NTMT1: variants seen among roughly 807,000 people sequenced by gnomAD.
NTMT1 encodes the protein N-terminal Xaa-Pro-Lys N-methyltransferase 1, also known as N-terminal RCC1 methyltransferase.
In NTMT1, 8 loss-of-function variants were observed where a neutral mutation model predicts 17.5. That is an observed-to-expected ratio of 0.46 (90% confidence interval 0.27 to 0.82). The LOEUF is 0.82. NTMT1 is among the 40% of genes least tolerant of loss of function. The probability of loss-of-function intolerance (pLI) is 0.15; values close to 1 mark genes in which losing one functional copy is unlikely to be tolerated. For synonymous variants in NTMT1, 128 were observed against 126.8 expected, an observed-to-expected ratio of 1.01 and a Z score of -0.06; for missense variants, 221 against 303.5, an observed-to-expected ratio of 0.73 and a Z score of 2.02.
At chr9:129,610,022 G>A (rs1830074287) in intron 1 of NTMT1, among the ~76,000 whole-genome samples, 1 of 150,428 alleles carries the variant, frequency 6.6e-6, no homozygotes, top group South Asian at 2.2e-4. Flanking sequence ...TGGTGTGCCT[G>A]TGTGTGTCTC....
intron 1 of NTMT1, among the ~76,000 whole-genome samples, chr9:129,621,055 CCT>C (rs766997052): frequency 5.9e-5 from 9 of 152,268 alleles, no homozygotes; most frequent in South Asian, 2.1e-4. Context: ...GCAGCACCTG[CCT>C]CTCTGCAGCC....
chr9:129,613,382 G>C lies in NTMT1; in HGVS notation c.-55+4204G>C. On this transcript the variant is annotated intron_variant, in intron 1 of 3. Transcript: ENST00000372486. This position sits in a 1 kb window ranked among gnomAD's most constrained non-coding sequence, Gnocchi z 6.2. The stretch of plus-strand genomic sequence containing the variant: ...GTGGGGAGGTCTGTAGGCAAGGGGG[G>C]TGGAGGGCCCTGGCAATGTCCACGA... The C allele has an allele frequency of 1.9e-6, 3 of 1,598,458 alleles. No individual in the cohort carries two copies. Among genetic ancestry groups the C allele is most frequent in the Admixed American group, 3.4e-5 (2 of 59,138 alleles).
Position 129,620,778 on chromosome 9 carries a change from G to T in NTMT1, c.-55+11600G>T, listed in dbSNP as rs540227595. 52 of 432,398 alleles carry T rather than the reference G, an allele frequency of 1.2e-4. No homozygotes were observed. The highest frequency in any genetic ancestry group is 9.8e-4 in the African/African-American group (48 of 49,154). The allele number at this position is 432,398 out of a possible 1,614,324, so 26.8% of individuals were successfully genotyped here. On this transcript the variant is annotated intron_variant, in intron 1 of 3. Transcript: ENST00000372486. This position sits in a 1 kb window ranked among gnomAD's most constrained non-coding sequence, Gnocchi z 5.8. ...CCTCTGTTTCCTCACCTGAAAAATG[G>T]TGACAGCAAGAGTAGCCAACTTTGG...
At chr9:129,632,029 C>T (rs370825726) in intron 1 of NTMT1, among the ~76,000 whole-genome samples, 10 of 152,172 alleles carry the variant, frequency 6.6e-5, no homozygotes, top group Admixed American at 3.9e-4. Context: ...GGAAGGGAGG[C>T]GTGGAAGCTT....
At chr9:129,610,403 C>A (rs1830087546) in intron 1 of NTMT1, among the ~76,000 whole-genome samples, 1 of 151,804 alleles carries the variant, frequency 6.6e-6, no homozygotes, top group African/African-American at 2.4e-5. Flanking sequence ...CGGACTCCGG[C>A]TTCAGTGCTC....
At chr9:129,609,241 C>A (rs1830061979) in intron 1 of NTMT1, 3 of 152,316 alleles carry the variant, frequency 2.0e-5, no homozygotes, top group Admixed American at 6.5e-5. Context: ...AAGGAGCCAG[C>A]TTGCAGGGGT....
At chr9:129,633,020 G>T in intron 2 of NTMT1, 155 bp downstream of exon 2, 1 of 761,948 alleles carries the variant, frequency 1.3e-6, no homozygotes. Context: ...GGCTGGGTGG[G>T]CACAGTGGGG....
Position 129,620,872 on chromosome 9 carries a change from G to C in NTMT1, c.-55+11694G>C. ...GAACAGCAAGCTCGGTACAGTGCCA[G>C]GCACGCTGGCCAAGCTTACACATAG... On this transcript the variant is annotated intron_variant, in intron 1 of 3. Coordinates refer to the NTMT1 transcript ENST00000372486. This position sits in a 1 kb window ranked among gnomAD's most constrained non-coding sequence, Gnocchi z 5.8. 3.1e-6 allele frequency: 1 copy of C among 326,404 alleles called. No homozygotes were observed. Among genetic ancestry groups the C allele is most frequent in the Non-Finnish European group, 5.5e-6 (1 of 180,624 alleles). The allele number at this position is 326,404 out of a possible 1,614,324, so 20.2% of individuals were successfully genotyped here. A position where few individuals can be genotyped will look rare whatever the true frequency, so the allele number is the denominator to read the frequency against.
upstream of NTMT1, among the ~76,000 whole-genome samples, chr9:129,625,921 A>G (rs1830867498): frequency 6.6e-6 from 1 of 150,992 alleles, no homozygotes; most frequent in Non-Finnish European, 1.5e-5. Flanking sequence ...CTGACGCAGG[A>G]GAATCGCTGG....
At chr9:129,619,096 G>T (rs2118884915) in intron 1 of NTMT1, among the ~76,000 whole-genome samples, 1 of 152,252 alleles carries the variant, frequency 6.6e-6, no homozygotes, top group South Asian at 2.1e-4. Context: ...TGATTCATGG[G>T]TGGGTGGGTG....
upstream of NTMT1, among the ~76,000 whole-genome samples, chr9:129,622,129 T>C (rs6478907): frequency 0.97 from 148,229 of 152,280 alleles, 72,165 homozygotes; most frequent in Middle Eastern, 0.99. Flanking sequence ...CTGGGAGGCT[T>C]AGGCTGGGTG....
In NTMT1 at chr9:129,613,103, C is replaced by A; in HGVS notation, c.-55+3925C>A. 6.2e-7 allele frequency: 1 copy of A among 1,613,774 alleles called. No homozygotes were observed. On this transcript the variant is annotated intron_variant, in intron 1 of 3. Coordinates refer to the NTMT1 transcript ENST00000372486. This position sits in a 1 kb window ranked among gnomAD's most constrained non-coding sequence, Gnocchi z 6.2. ...TAGGTCCAGGAGCAAGACCATTTGCCCACCTGCTCCAGGTTTCTGTGCGGG... is the reference window on the plus strand; with the variant it reads ...TAGGTCCAGGAGCAAGACCATTTGCACACCTGCTCCAGGTTTCTGTGCGGG...
chr9:129,627,921 G>A (rs1830974888), intron 1 of NTMT1, among the ~76,000 whole-genome samples: 1 of 152,216 alleles, frequency 6.6e-6, no homozygotes, highest in Non-Finnish European at 1.5e-5. Flanking sequence ...TTCTTCCATG[G>A]GTCGTGGGAG....
intron 2 of NTMT1, chr9:129,633,177 G>A (rs1831276889): frequency 2.2e-6 from 1 of 451,756 alleles, no homozygotes. Flanking sequence ...CATGTCCACG[G>A]GTGTTTGGAC....
In NTMT1 at chr9:129,620,013, CA is replaced by C; in HGVS notation, c.-55+10836del. ...TGGTGGGTGCGGGGACACAAGGGAC[CA>C]CCCCCCACCGGAAATGACTCGGGCC... On this transcript the variant is annotated intron_variant, in intron 1 of 3. Coordinates refer to the NTMT1 transcript ENST00000372486. The surrounding 1 kb of genome is among the most constrained non-coding windows in gnomAD (Gnocchi z 5.8). 1 of 1,458,782 alleles carries C rather than the reference CA, an allele frequency of 6.9e-7. No individual in the cohort carries two copies. Among genetic ancestry groups the C allele is most frequent in the Admixed American group, 2.6e-5 (1 of 38,594 alleles). 90.4% of individuals were successfully genotyped at this position (1,458,782 alleles called of 1,614,324 possible). A position where few individuals can be genotyped will look rare whatever the true frequency, so the allele number is the denominator to read the frequency against.
At chr9:129,623,058 G>A (rs1362930035), upstream of NTMT1, among the ~76,000 whole-genome samples, 7 of 150,598 alleles carry the variant, frequency 4.6e-5, no homozygotes, top group African/African-American at 1.7e-4. Context: ...AAAGAGCCGG[G>A]CACGGTGGCT....
rs935602332 is a variant in NTMT1 at position 129,635,788 on chromosome 9, C to T, written c.*324C>T. ...ATCAGTAACCGATTCCCTGGGCCTC[C>T]AGCCCGGCCTTCCAGCCATGGGCCT... On this transcript the variant is annotated 3_prime_UTR_variant, in exon 4 of 4. Coordinates refer to ENST00000372483, the MANE Select transcript of NTMT1 (RefSeq NM_014064.4). 5.0e-5 allele frequency: 13 copies of T among 261,594 alleles called. No homozygotes were observed. The highest frequency in any genetic ancestry group is 9.5e-5 in the Non-Finnish European group (13 of 136,178). The allele number at this position is 261,594 out of a possible 1,614,324, so 16.2% of individuals were successfully genotyped here.
chr9:129,621,806 C>G (rs1007435846), upstream of NTMT1, among the ~76,000 whole-genome samples: 5 of 152,286 alleles, frequency 3.3e-5, no homozygotes, highest in Non-Finnish European at 7.4e-5. Flanking sequence ...TCTGAGCTGA[C>G]TCCTGGGCAG....
intron 1 of NTMT1, chr9:129,612,979 G>C (rs893373000): frequency 7.4e-6 from 9 of 1,211,312 alleles, no homozygotes; most frequent in Non-Finnish European, 1.0e-5. Flanking sequence ...AAGCCCCCAC[G>C]GTGACTTGGC....
Sources: allele counts gnomAD v4.1 joint callset (sites outside exome capture counted in the v4.1 genomes callset), GRCh38; gene constraint gnomAD v4.1.1; non-coding constraint Gnocchi (gnomAD v3.1); transcripts MANE v1.5; gene names NCBI Gene and HGNC (gene_info 2026-07-23, HGNC 2026-07-21).